Variants in ADAMTS6 observed in about 807,000 individuals in gnomAD.
The protein encoded by ADAMTS6 is A disintegrin and metalloproteinase with thrombospondin motifs 6.
A neutral mutation model predicts 144.3 loss-of-function variants in ADAMTS6; 23 were observed. The observed-to-expected ratio is 0.16, with a 90% CI of 0.11 to 0.23. The LOEUF (loss-of-function observed/expected upper bound fraction) is 0.23. Ranked by LOEUF, ADAMTS6 falls within the 10% of genes least tolerant of loss-of-function variation. ADAMTS6 has a pLI of 1.00. For synonymous variants in ADAMTS6, 444 were observed against 457.5 expected, an observed-to-expected ratio of 0.97 and a Z score of 0.38; for missense variants, 999 against 1,379.6, an observed-to-expected ratio of 0.72 and a Z score of 4.37.
At chr5:65,219,511 T>C (rs1312712607) in intron 18 of ADAMTS6, among the ~76,000 whole-genome samples, 2 of 152,224 alleles carry the variant, frequency 1.3e-5, no homozygotes, top group East Asian at 1.9e-4. Flanking sequence ...AGATTTACCA[T>C]GCAAACACTG....
intron 7 of ADAMTS6, among the ~76,000 whole-genome samples, chr5:65,373,495 C>G (rs1280068044): frequency 6.6e-6 from 1 of 150,704 alleles, no homozygotes. Context: ...CGCAAATAAA[C>G]TAGAAAATCT....
At chr5:65,226,470 T>C (rs1757734545) in intron 15 of ADAMTS6, among the ~76,000 whole-genome samples, 1 of 151,588 alleles carries the variant, frequency 6.6e-6, no homozygotes, top group Middle Eastern at 3.2e-3. Context: ...ATTTATAACA[T>C]AATTATATAT....
intron 14 of ADAMTS6, among the ~76,000 whole-genome samples, chr5:65,249,092 C>A (rs1759914581): frequency 6.6e-6 from 1 of 151,994 alleles, no homozygotes; most frequent in Non-Finnish European, 1.5e-5. Context: ...TAGGAAAGGG[C>A]TCTCCTCCAC....
At chr5:65,315,775 A>C (rs1467954287) in intron 9 of ADAMTS6, among the ~76,000 whole-genome samples, 1 of 152,194 alleles carries the variant, frequency 6.6e-6, no homozygotes, top group Admixed American at 6.5e-5. Context: ...TAATGCTAAA[A>C]GCATCAATTC....
At chr5:65,422,039 A>G (rs1469185241) in intron 7 of ADAMTS6, among the ~76,000 whole-genome samples, 1 of 152,230 alleles carries the variant, frequency 6.6e-6, no homozygotes, top group East Asian at 1.9e-4. Context: ...GTGGGAGAAA[A>G]TATTTGCAAA....
intron 24 of ADAMTS6, among the ~76,000 whole-genome samples, chr5:65,159,769 T>C (rs931314655): frequency 2.0e-5 from 3 of 152,234 alleles, no homozygotes; most frequent in Admixed American, 6.5e-5. Flanking sequence ...ACATGGTAAG[T>C]ATGTTTGCTA....
chr5:65,410,738 T>TTA (rs1312544180), intron 7 of ADAMTS6, among the ~76,000 whole-genome samples: 3 of 152,176 alleles, frequency 2.0e-5, no homozygotes, highest in Non-Finnish European at 4.4e-5. Flanking sequence ...TTTGACTTTT[T>TTA]TATATATACT....
At chr5:65,275,423 AGAAAGAAAGAAAAGAAAAAAG>A (rs1762449369) in intron 11 of ADAMTS6, among the ~76,000 whole-genome samples, 1 of 147,128 alleles carries the variant, frequency 6.8e-6, no homozygotes, top group African/African-American at 2.5e-5. Flanking sequence ...AAGAAAAGAA[AGAAAGAAAGAAAAGAAAAAAG>A]AAAGAGAAAG....
At chr5:65,339,709 G>T (rs759531217) in intron 7 of ADAMTS6, among the ~76,000 whole-genome samples, 2 of 151,582 alleles carry the variant, frequency 1.3e-5, no homozygotes, top group African/African-American at 2.4e-5. Context: ...TTAAATGAAG[G>T]AAATAAATAC....
At chr5:65,297,221 A>G in intron 10 of ADAMTS6, 1 of 456,294 alleles carries the variant, frequency 2.2e-6, no homozygotes, top group Non-Finnish European at 4.4e-6. Context: ...TGAACCACTT[A>G]TTGAATCACC....
At chr5:65,449,928 T>G (rs1467088354) in intron 7 of ADAMTS6, among the ~76,000 whole-genome samples, 4 of 152,166 alleles carry the variant, frequency 2.6e-5, no homozygotes, top group African/African-American at 9.7e-5. Context: ...AAATGTGAAG[T>G]ATTGGGAGCC....
Position 65,149,125 on chromosome 5 carries a change from T to C in ADAMTS6, c.*2711A>G, listed in dbSNP as rs1229220494. 6.6e-6 allele frequency: 1 copy of C among 152,586 alleles called. No individual in the cohort carries two copies. The highest frequency in any genetic ancestry group is 2.4e-5 in the African/African-American group (1 of 41,444). The allele number at this position is 152,586 out of a possible 1,614,324, so 9.5% of individuals were successfully genotyped here. A position where few individuals can be genotyped will look rare whatever the true frequency, so the allele number is the denominator to read the frequency against. ...TTTAATCATTAGGGTACATTTACCG[T>C]TCCTTTTTTAGTAGGACTTTATCCC... On this transcript the variant is annotated 3_prime_UTR_variant, in exon 25 of 25. Transcript: ENST00000381055.
chr5:65,379,489 A>G (rs1272134765), intron 7 of ADAMTS6, among the ~76,000 whole-genome samples: 1 of 152,182 alleles, frequency 6.6e-6, no homozygotes, highest in Non-Finnish European at 1.5e-5. Flanking sequence ...TTGCCATATA[A>G]ATTATGTGAG....
At chr5:65,349,426 C>T (rs1351824698) in intron 7 of ADAMTS6, among the ~76,000 whole-genome samples, 1 of 151,978 alleles carries the variant, frequency 6.6e-6, no homozygotes, top group Non-Finnish European at 1.5e-5. Flanking sequence ...AAATTAAAAT[C>T]TAGAATTAAA....
At chr5:65,433,928 ACACACATC>A (rs1490697994) in intron 7 of ADAMTS6, among the ~76,000 whole-genome samples, 1 of 152,192 alleles carries the variant, frequency 6.6e-6, no homozygotes, top group Non-Finnish European at 1.5e-5. Flanking sequence ...AGAAATGAAA[ACACACATC>A]CACACAAAAA....
At chr5:65,349,186 AT>A (rs1213846145) in intron 7 of ADAMTS6, among the ~76,000 whole-genome samples, 1 of 152,110 alleles carries the variant, frequency 6.6e-6, no homozygotes, top group Non-Finnish European at 1.5e-5. Flanking sequence ...AAAAATTTCT[AT>A]TGTTAGTAGG....
chr5:65,425,317 T>G (rs750550439), intron 7 of ADAMTS6, among the ~76,000 whole-genome samples: 1 of 152,112 alleles, frequency 6.6e-6, no homozygotes, highest in Non-Finnish European at 1.5e-5. Flanking sequence ...CGTGAGCCAC[T>G]GTGCCCGGCC....
At chr5:65,356,437 A>T (rs140644883) in intron 7 of ADAMTS6, among the ~76,000 whole-genome samples, 67 of 151,988 alleles carry the variant, frequency 4.4e-4, no homozygotes, top group African/African-American at 1.5e-3. Context: ...ATGTCAAATG[A>T]CAACTGCTAT....
chr5:65,234,093 A>AG (rs1758476564), intron 15 of ADAMTS6, among the ~76,000 whole-genome samples: 1 of 150,982 alleles, frequency 6.6e-6, no homozygotes, highest in Non-Finnish European at 1.5e-5. Flanking sequence ...AAAAAAAAAA[A>AG]GAATAAAGAA....
Sources: gnomAD v4.1 joint callset for allele counts (sites outside exome capture counted in the v4.1 genomes callset) on GRCh38, gnomAD v4.1.1 for gene constraint, MANE v1.5 for transcripts, NCBI Gene and HGNC (gene_info 2026-07-23, HGNC 2026-07-21) for gene names.